The following MACROD2 variants were observed in gnomAD, a reference collection of about 807,000 sequenced individuals.
MACROD2 encodes the protein mono-ADP ribosylhydrolase 2, also known as ADP-ribose glycohydrolase MACROD2.
In MACROD2, 36 loss-of-function variants were observed where a neutral mutation model predicts 70.4. The observed-to-expected ratio is 0.51, with a 90% CI of 0.39 to 0.68. MACROD2 has a LOEUF of 0.68. Among genes scored for constraint, MACROD2 ranks in the 30% least tolerant of loss-of-function variants. MACROD2 has a pLI of 0.00. For synonymous variants in MACROD2, 172 were observed against 178.8 expected, an observed-to-expected ratio of 0.96 and a Z score of 0.30; for missense variants, 496 against 538.4, an observed-to-expected ratio of 0.92 and a Z score of 0.78.
At chr20:15,207,537 G>C (rs2076722104) in intron 5 of MACROD2, among the ~76,000 whole-genome samples, 1 of 142,914 alleles carries the variant, frequency 7.0e-6, no homozygotes, top group African/African-American at 2.7e-5. Flanking sequence ...CTGCCTCCCA[G>C]GTTCAAGTGA....
chr20:14,314,103 A>G (rs759637306), intron 3 of MACROD2, among the ~76,000 whole-genome samples: 2 of 152,236 alleles, frequency 1.3e-5, no homozygotes, highest in African/African-American at 2.4e-5. Flanking sequence ...AAAAAAATGT[A>G]CTGGGATTCT....
intron 5 of MACROD2, among the ~76,000 whole-genome samples, chr20:14,910,164 GTTCAT>G (rs1568869114): frequency 2.0e-5 from 3 of 152,124 alleles, no homozygotes; most frequent in Non-Finnish European, 2.9e-5. Flanking sequence ...GCCACAAACT[GTTCAT>G]TTTAAGTTTG....
At chr20:15,749,118 G>T (rs952275715) in intron 8 of MACROD2, among the ~76,000 whole-genome samples, 5 of 151,932 alleles carry the variant, frequency 3.3e-5, no homozygotes, top group East Asian at 3.9e-4. Flanking sequence ...TTAACTTTTG[G>T]ATTAATAATT....
chr20:14,821,601 C>T (rs2072845595), intron 5 of MACROD2, among the ~76,000 whole-genome samples: 1 of 152,086 alleles, frequency 6.6e-6, no homozygotes, highest in Non-Finnish European at 1.5e-5. Flanking sequence ...AACAGCCTCA[C>T]CTAATTGTTT....
At chr20:14,278,887 A>G (rs896792201) in intron 3 of MACROD2, among the ~76,000 whole-genome samples, 1 of 152,170 alleles carries the variant, frequency 6.6e-6, no homozygotes, top group Non-Finnish European at 1.5e-5. Context: ...TAAGAGTTAC[A>G]TATTGTTTTA....
chr20:14,484,636 C>A (rs1443410613), intron 3 of MACROD2, among the ~76,000 whole-genome samples: 1 of 152,104 alleles, frequency 6.6e-6, no homozygotes, highest in African/African-American at 2.4e-5. Context: ...TCTCCATGTC[C>A]ATGAGTTCAA....
chr20:14,383,514 A>G (rs1437732011), intron 3 of MACROD2, among the ~76,000 whole-genome samples: 2 of 152,204 alleles, frequency 1.3e-5, no homozygotes, highest in Non-Finnish European at 2.9e-5. Flanking sequence ...GACATTAGTC[A>G]TCTGTAAAAT....
chr20:14,325,772 C>T, intron 3 of MACROD2: 1 of 1,613,862 alleles, frequency 6.2e-7, no homozygotes, highest in Non-Finnish European at 8.5e-7. Flanking sequence ...TTCTTAGTGC[C>T]AGCTTCTGCA....
intron 6 of MACROD2, among the ~76,000 whole-genome samples, chr20:15,314,718 A>G (rs1407534085): frequency 6.6e-6 from 1 of 152,234 alleles, no homozygotes; most frequent in Admixed American, 6.5e-5. Flanking sequence ...GTCAATGAAC[A>G]ACCTCCAGCC....
In MACROD2 at chr20:15,216,091, T is replaced by C. The variant is rs144474794; in HGVS notation, c.419-13849T>C. On this transcript the variant is annotated intron_variant, in intron 5 of 17. Coordinates refer to ENST00000684519, the MANE Select transcript of MACROD2 (RefSeq NM_001351661.2). ...TGGTGAAAGTTCAAAATCCCAAGTATAAAAAACAGTTAGAAAGAATGAATA... is the reference window on the plus strand; with the variant it reads ...TGGTGAAAGTTCAAAATCCCAAGTACAAAAAACAGTTAGAAAGAATGAATA... Among the ~76,000 whole-genome samples, 60 of 152,104 alleles carry C rather than the reference T, an allele frequency of 3.9e-4. 1 individual carries two copies. The East Asian group carries it at 0.011, about 29-fold the overall frequency.
chr20:14,879,548 G>A (rs2122459728), intron 5 of MACROD2, among the ~76,000 whole-genome samples: 1 of 152,294 alleles, frequency 6.6e-6, no homozygotes, highest in South Asian at 2.1e-4. Context: ...GTGAAATACT[G>A]TAATAATGTG....
chr20:15,191,512 C>G (rs2076570258), intron 5 of MACROD2, among the ~76,000 whole-genome samples: 1 of 152,172 alleles, frequency 6.6e-6, no homozygotes, highest in South Asian at 2.1e-4. Flanking sequence ...TCCCCGAACC[C>G]AGCCCTTCAC....
chr20:15,924,324 G>T (rs2065456485), intron 10 of MACROD2, among the ~76,000 whole-genome samples: 1 of 152,140 alleles, frequency 6.6e-6, no homozygotes, highest in Non-Finnish European at 1.5e-5. Context: ...TCAGAAAGCA[G>T]GAGACTTTCC....
At chr20:14,846,434 A>G (rs1263390084) in intron 5 of MACROD2, among the ~76,000 whole-genome samples, 1 of 151,080 alleles carries the variant, frequency 6.6e-6, no homozygotes, top group Non-Finnish European at 1.5e-5. Flanking sequence ...CATGTTGGTC[A>G]GGCTGGAAGT....
intron 5 of MACROD2, among the ~76,000 whole-genome samples, chr20:14,686,353 T>C (rs1485288820): frequency 6.6e-6 from 1 of 152,218 alleles, no homozygotes; most frequent in Non-Finnish European, 1.5e-5. Context: ...GAGTGTGATA[T>C]TATACAATAT....
intron 8 of MACROD2, among the ~76,000 whole-genome samples, chr20:15,765,654 C>A (rs1354343941): frequency 6.6e-6 from 1 of 151,970 alleles, no homozygotes; most frequent in Non-Finnish European, 1.5e-5. Flanking sequence ...AGAGGGAAAA[C>A]ATAAAAAGTT....
At chr20:14,858,909 GA>G (rs1487991720) in intron 5 of MACROD2, among the ~76,000 whole-genome samples, 1 of 152,134 alleles carries the variant, frequency 6.6e-6, no homozygotes, top group Non-Finnish European at 1.5e-5. Context: ...TGATTTAGGG[GA>G]AAAGAGGCAG....
chr20:15,266,328 T>C (rs757326256), intron 6 of MACROD2, among the ~76,000 whole-genome samples: 1 of 152,206 alleles, frequency 6.6e-6, no homozygotes, highest in Admixed American at 6.5e-5. Flanking sequence ...AGCACCTTCC[T>C]GCACTATCCG....
At chr20:14,012,265 A>G (rs1347893390) in intron 2 of MACROD2, among the ~76,000 whole-genome samples, 4 of 152,186 alleles carry the variant, frequency 2.6e-5, no homozygotes, top group Admixed American at 2.6e-4. Flanking sequence ...CTTTGCTGGC[A>G]TTAAATTCTT....
Sources: gnomAD v4.1 joint callset for allele counts (sites outside exome capture counted in the v4.1 genomes callset) on GRCh38, gnomAD v4.1.1 for gene constraint, MANE v1.5 for transcripts, NCBI Gene and HGNC (gene_info 2026-07-23, HGNC 2026-07-21) for gene names.